The following PHF12 variants were observed in gnomAD, a reference collection of about 807,000 sequenced individuals.
PHF12 encodes the protein PHD finger protein 12, also known as PHD factor 1.
In PHF12, 6 loss-of-function variants were observed where a neutral mutation model predicts 99.8. That is an observed-to-expected ratio of 0.06 (90% CI 0.03 to 0.12). The LOEUF is 0.12. PHF12 is among the 10% of genes least tolerant of loss of function. The pLI, the probability that PHF12 is intolerant of heterozygous loss-of-function variation, is 1.00. For missense variants in PHF12, 954 were observed against 1,300.1 expected, an observed-to-expected ratio of 0.73 and a Z score of 4.09; for synonymous variants, 480 against 514.9, an observed-to-expected ratio of 0.93 and a Z score of 0.92.
Position 28,908,775 on chromosome 17 carries a change from T to C in PHF12, c.2458+8A>G. 4.3e-6 allele frequency: 7 copies of C among 1,613,520 alleles called. No individual in the cohort carries two copies. The highest frequency in any genetic ancestry group is 5.9e-6 in the Non-Finnish European group (7 of 1,179,548). ...TCAGTGTCTCTCCCAGCTTCCTGGC[T>C]GGCTCACCTGTCCCGATGTAGAGGG... On this transcript the variant is annotated splice_region_variant and intron_variant, in intron 12 of 14. Transcript: ENST00000332830.
Position 28,951,308 on chromosome 17 carries a change from T to G in PHF12, c.-348A>C. The G allele has an allele frequency of 1.5e-5, 16 of 1,075,492 alleles. No homozygotes were observed. The highest frequency in any genetic ancestry group is 7.9e-5 in the East Asian group (1 of 12,624). The allele number at this position is 1,075,492 out of a possible 1,614,324, so 66.6% of individuals were successfully genotyped here. ...CCGGGAAGGCTGGCGGGCGCTGCCA[T>G]CCCGGGGCTGGGGGTATCGGAGGGG... On this transcript the variant is annotated 5_prime_UTR_variant, in exon 1 of 15. The change abolishes an upstream ATG in the 5' untranslated region. Transcript: ENST00000332830.
At chr17:28,915,458 G>A (rs143740388) in intron 7 of PHF12, among the ~76,000 whole-genome samples, 237 of 152,234 alleles carry the variant, frequency 1.6e-3, no homozygotes, top group Non-Finnish European at 2.5e-3. Context: ...TCTGTGGGAT[G>A]GGCAGGCAGA....
In PHF12 at chr17:28,932,575, G is replaced by A. The variant is rs371025798; in HGVS notation, c.249-5512C>T. 3.9e-5 allele frequency among the ~76,000 whole-genome samples: 6 copies of A among 152,298 alleles called. No homozygotes were observed. In the South Asian group the frequency reaches 1.2e-3, roughly 32 times the overall value. On this transcript the variant is annotated intron_variant, in intron 2 of 14. Transcript: ENST00000332830. ...ACTGCTGACAGGGAAAGGATTCCAG[G>A]GAGAAAGGAGATTCTGCAGCCTCAC...
In PHF12 at chr17:28,907,637, G is replaced by T; in HGVS notation, c.2494C>A (p.His832Asn). 1.2e-6 allele frequency: 2 copies of T among 1,613,938 alleles called. No individual in the cohort carries two copies. Among genetic ancestry groups the T allele is most frequent in the South Asian group, 2.2e-5 (2 of 91,018 alleles). Residue 832 changes from histidine to asparagine, a missense_variant, in exon 13 of 15, where the codon CAC becomes AAC. By Grantham distance (68) the His-to-Asn change is moderately conservative. Around this residue, in one of 8 missense-constraint regions of PHF12, gnomAD observed 143 missense variants for 191.8 expected, o/e 0.75. Coordinates refer to ENST00000332830, the MANE Select transcript of PHF12 (RefSeq NM_001033561.2). The part of the protein sequence containing the change: ...DMDVCLTNYG[H>N]CNYVSGKHAC... The stretch of plus-strand genomic sequence containing the variant: ...TGTTTCCCGGACACGTAGTTACAGT[G>T]ACCATAGTTTGTAAGGCACACATCC...
chr17:28,918,481 G>A (rs2040100540), intron 6 of PHF12, among the ~76,000 whole-genome samples: 1 of 152,246 alleles, frequency 6.6e-6, no homozygotes. Context: ...GCAGCACACT[G>A]CCATGAAGGC....
At chr17:28,933,074 T>G (rs1014635222) in intron 2 of PHF12, among the ~76,000 whole-genome samples, 1 of 152,216 alleles carries the variant, frequency 6.6e-6, no homozygotes, top group African/African-American at 2.4e-5. Flanking sequence ...AAAAAGGCTC[T>G]GCCCTCGCTC....
intron 2 of PHF12, among the ~76,000 whole-genome samples, chr17:28,940,045 G>C (rs1402381167): frequency 6.6e-6 from 1 of 152,240 alleles, no homozygotes; most frequent in African/African-American, 2.4e-5. Context: ...TGTCAAGGCT[G>C]AGAAACATTT....
In PHF12 at chr17:28,950,836, C is replaced by T; in HGVS notation, c.66+59G>A. ...CGAGTTTAGGACTGGCTTTGTGGGG[C>T]GGAGGGCGGAGGTTCCCTCCCGGCG... On this transcript the variant is annotated intron_variant, in intron 1 of 14. Transcript: ENST00000332830. The surrounding 1 kb of genome is among the most constrained non-coding windows in gnomAD (Gnocchi z 5.7). The T allele has an allele frequency of 4.4e-6, 7 of 1,600,616 alleles. No homozygotes were observed. The highest frequency in any genetic ancestry group is 1.1e-5 in the South Asian group (1 of 89,930).
chr17:28,924,447 G>A (rs1458382342), intron 3 of PHF12, 145 bp from the exon 4 acceptor site: 5 of 1,111,918 alleles, frequency 4.5e-6, no homozygotes, highest in South Asian at 4.2e-5. Context: ...TTGGAACACT[G>A]GTCTGTTAAA....
chr17:28,923,678 A>G (rs1251194574), intron 4 of PHF12, among the ~76,000 whole-genome samples: 3 of 145,552 alleles, frequency 2.1e-5, no homozygotes, highest in Admixed American at 7.0e-5. Context: ...AAAAAAAAGG[A>G]AAAAGATAAT....
At chr17:28,926,732 AGAC>A in intron 3 of PHF12, 1 of 1,388,136 alleles carries the variant, frequency 7.2e-7, no homozygotes, top group Non-Finnish European at 9.6e-7. Flanking sequence ...CAAGAAGGTA[AGAC>A]TACTCCTGTC....
chr17:28,928,831 C>T (rs2040333732), intron 2 of PHF12, among the ~76,000 whole-genome samples: 1 of 151,970 alleles, frequency 6.6e-6, no homozygotes, highest in Non-Finnish European at 1.5e-5. Flanking sequence ...GGCATGGTGG[C>T]TTACACTTGT....
chr17:28,951,172 C>A lies in PHF12; in HGVS notation c.-212G>T. ...ACGGGCCGCGAGGGGGGAGCGGCCC[C>A]TCAGTCCCGGCCCGGCTGCTGGCTG... is the stretch of plus-strand genomic sequence containing the variant. On this transcript the variant is annotated 5_prime_UTR_variant, in exon 1 of 15. It adds an upstream start codon to the 5' untranslated region. Coordinates refer to ENST00000332830, the MANE Select transcript of PHF12 (RefSeq NM_001033561.2). 1 of 1,424,716 alleles carries A rather than the reference C, an allele frequency of 7.0e-7. No individual in the cohort carries two copies. Among genetic ancestry groups the A allele is most frequent in the Non-Finnish European group, 9.1e-7 (1 of 1,093,984 alleles). 88.3% of individuals were successfully genotyped at this position (1,424,716 alleles called of 1,614,324 possible). A position where few individuals can be genotyped will look rare whatever the true frequency, so the allele number is the denominator to read the frequency against.
At chr17:28,944,857 T>TAA (rs1369924460) in intron 2 of PHF12, 1 of 152,194 alleles carries the variant, frequency 6.6e-6, no homozygotes, top group Non-Finnish European at 1.5e-5. Context: ...TCTAAGCACT[T>TAA]ACAATGTCAA....
At chr17:28,908,600 G>A (rs1598115269) in intron 12 of PHF12, 183 bp downstream of exon 12, 5 of 622,408 alleles carry the variant, frequency 8.0e-6, no homozygotes, top group South Asian at 4.0e-5. Context: ...GATTATAGGC[G>A]TGAGCCACCG....
chr17:28,939,114 G>A (rs1334625482), intron 2 of PHF12, among the ~76,000 whole-genome samples: 1 of 152,242 alleles, frequency 6.6e-6, no homozygotes, highest in Admixed American at 6.5e-5. Context: ...GTAGCCTGCA[G>A]TCAGATGCCT....
At position 28,905,509 on chromosome 17, in the gene PHF12, C is replaced by T. The variant is rs1198570899; in HGVS notation, c.*674G>A. On this transcript the variant is annotated 3_prime_UTR_variant, in exon 15 of 15. Coordinates refer to ENST00000332830, the MANE Select transcript of PHF12 (RefSeq NM_001033561.2). ...TAGTACTGTACACGGTTTTTAAAAA[C>T]ATTGAAAAAATGTCATCACTAGATG... 5 of 152,450 alleles carry T rather than the reference C, an allele frequency of 3.3e-5. No individual in the cohort carries two copies. The highest frequency in any genetic ancestry group is 5.9e-5 in the Non-Finnish European group (4 of 68,016). 9.4% of individuals were successfully genotyped at this position (152,450 alleles called of 1,614,324 possible). A position where few individuals can be genotyped will look rare whatever the true frequency, so the allele number is the denominator to read the frequency against.
intron 2 of PHF12, among the ~76,000 whole-genome samples, chr17:28,937,936 A>T (rs2040538321): frequency 6.6e-6 from 1 of 152,202 alleles, no homozygotes; most frequent in Admixed American, 6.5e-5. Flanking sequence ...TCTGGCCTCA[A>T]CGGTAATTTT....
At position 28,951,468 on chromosome 17, in the gene PHF12, G is replaced by A; in HGVS notation, c.-508C>T. On this transcript the variant is annotated 5_prime_UTR_variant, in exon 1 of 15. Coordinates refer to ENST00000332830, the MANE Select transcript of PHF12 (RefSeq NM_001033561.2). ...GCCGCGCACTTGGCGCAAACTTACC[G>A]CGAGCGCCCGCAAAGCCACCCGCGC... 1 of 985,576 alleles carries A rather than the reference G, an allele frequency of 1.0e-6. No individual in the cohort carries two copies. The allele number at this position is 985,576 out of a possible 1,614,324, so 61.1% of individuals were successfully genotyped here.
Sources: allele counts gnomAD v4.1 joint callset (sites outside exome capture counted in the v4.1 genomes callset), GRCh38; gene constraint gnomAD v4.1.1; regional missense constraint gnomAD v4.1.1; non-coding constraint Gnocchi (gnomAD v3.1); transcripts MANE v1.5; gene names NCBI Gene and HGNC (gene_info 2026-07-23, HGNC 2026-07-21).